The following RP2 variants were observed in gnomAD, a reference collection of about 807,000 sequenced individuals.
The protein encoded by RP2 is RP2 activator of ARL3 GTPase.
A neutral mutation model predicts 20.3 loss-of-function variants in RP2; 3 were observed. The ratio of observed to expected loss-of-function variants is 0.15; its 90% CI spans 0.07 to 0.38. RP2 has a LOEUF of 0.38. Among genes scored for constraint, RP2 ranks in the 10% least tolerant of loss-of-function variants. RP2 has a pLI of 1.00. For synonymous variants in RP2, 75 were observed against 94.8 expected (o/e 0.79, Z 1.22); for missense variants, 233 against 268.5 (o/e 0.87, Z 0.92).
At chrX:46,867,134 T>G (rs1556322812) in intron 3 of RP2, among the ~76,000 whole-genome samples, 1 of 111,026 alleles carries the variant, frequency 9.0e-6, no homozygotes, top group East Asian at 2.8e-4. Flanking sequence ...GGAGTCTCGC[T>G]CTGTTGCCCA....
rs782149680 is a variant in RP2 at position 46,837,736 on chromosome X, A to G, written c.102+534A>G. On this transcript the variant is annotated intron_variant, in intron 1 of 4. Transcript: ENST00000218340. ...TATATTTCACTGCTGAATTTTCTCA[A>G]TTACCAAGTGGACTGTTTAATGTAC... Among the ~76,000 whole-genome samples the G allele has an allele frequency of 9.5e-4, 106 of 111,671 alleles. 3 individuals are homozygous for G. The highest frequency in any genetic ancestry group is 7.7e-4 in the Non-Finnish European group (41 of 53,135).
intron 2 of RP2, 126 bp downstream of exon 2, chrX:46,854,267 C>G: frequency 1.6e-6 from 1 of 627,795 alleles, no homozygotes; most frequent in Admixed American, 2.7e-5. Context: ...AGTCCTTTGC[C>G]ACCACCCCCT....
chrX:46,842,146 C>T (rs143088999), intron 1 of RP2, among the ~76,000 whole-genome samples: 2,800 of 111,629 alleles, frequency 0.025, 82 homozygotes, highest in African/African-American at 0.086. Flanking sequence ...AACTCCTGGC[C>T]GCAGGCAATC....
chrX:46,877,891 G>C (rs1925398863), intron 4 of RP2, among the ~76,000 whole-genome samples: 1 of 111,255 alleles, frequency 9.0e-6, no homozygotes, highest in Admixed American at 9.7e-5. Context: ...AAAGTAAAAA[G>C]TCTCATCAAA....
At chrX:46,838,523 C>T (rs1924556812) in intron 1 of RP2, among the ~76,000 whole-genome samples, 1 of 112,840 alleles carries the variant, frequency 8.9e-6, no homozygotes, top group Non-Finnish European at 1.9e-5. Context: ...GTTCTTTTAG[C>T]TTGAATTGTC....
At chrX:46,872,760 C>A (rs2147087860) in intron 3 of RP2, among the ~76,000 whole-genome samples, 1 of 111,644 alleles carries the variant, frequency 9.0e-6, no homozygotes, top group East Asian at 2.8e-4. Flanking sequence ...GTTTTTGAGA[C>A]AGGATCTCAC....
At chrX:46,847,722 G>GTGTGTGTGTATATACACACATA (rs1569531350) in intron 1 of RP2, among the ~76,000 whole-genome samples, 25 of 73,517 alleles carry the variant, frequency 3.4e-4, no homozygotes, top group African/African-American at 6.7e-4. Flanking sequence ...ACACATATAT[G>GTGTGTGTGTATATACACACATA]TGTGTGTGTA....
rs150462383 is a variant in RP2 at position 46,849,282 on chromosome X, C to T, written c.103-4194C>T. Among the ~76,000 whole-genome samples the T allele has an allele frequency of 6.8e-3, 746 of 109,596 alleles. 5 individuals carry two copies. Among genetic ancestry groups the T allele is most frequent in the African/African-American group, 0.024 (714 of 30,101 alleles). ...CATGGCTCACTGCAGCCTTGAACTC[C>T]CAGGCACAAGCAGTCCTCCTGCCTC... On this transcript the variant is annotated intron_variant, in intron 1 of 4. Transcript: ENST00000218340.
chrX:46,838,325 A>T lies in RP2; in HGVS notation c.102+1123A>T, dbSNP rs149669358. Among the ~76,000 whole-genome samples, 25 of 111,707 alleles carry T rather than the reference A, an allele frequency of 2.2e-4. 1 individual carries two copies. The highest frequency in any genetic ancestry group is 7.5e-4 in the African/African-American group (23 of 30,769). On this transcript the variant is annotated intron_variant, in intron 1 of 4. Transcript: ENST00000218340. Reference sequence around the variant, plus strand: ...GTCTTTCTGCCCCTACTTCTCATACACACCCTTCTTGGGTCACATGGTACC... The same window carrying T: ...GTCTTTCTGCCCCTACTTCTCATACTCACCCTTCTTGGGTCACATGGTACC...
intron 1 of RP2, among the ~76,000 whole-genome samples, chrX:46,849,031 GA>G (rs1322178203): frequency 8.4e-4 from 88 of 104,248 alleles, no homozygotes; most frequent in African/African-American, 2.7e-3. Context: ...CCCTGTGTCA[GA>G]AAAAAAAAAT....
At chrX:46,877,659 A>G in intron 4 of RP2, 69 bp downstream of exon 4, 1 of 759,746 alleles carries the variant, frequency 1.3e-6, no homozygotes, top group Non-Finnish European at 2.0e-6. Context: ...ACAGTCAAAT[A>G]ATACTTTAAT....
chrX:46,873,354 C>A (rs1925323021), intron 3 of RP2, among the ~76,000 whole-genome samples: 1 of 111,925 alleles, frequency 8.9e-6, no homozygotes, highest in African/African-American at 3.2e-5. Context: ...ACCATGAACT[C>A]TCTGAATAAG....
chrX:46,874,606 T>G (rs1023509393), intron 3 of RP2, among the ~76,000 whole-genome samples: 2 of 111,456 alleles, frequency 1.8e-5, no homozygotes, highest in Non-Finnish European at 3.8e-5. Context: ...AATTGATTCA[T>G]CCTGTCATTT....
chrX:46,853,418 A>T, intron 1 of RP2, 58 bp from the exon 2 acceptor site: 1 of 1,079,337 alleles, frequency 9.3e-7, no homozygotes, highest in South Asian at 2.0e-5. Context: ...ATAGTCCTTT[A>T]GTTGATACTT....
At chrX:46,878,135 G>A (rs1364762771) in intron 4 of RP2, among the ~76,000 whole-genome samples, 1 of 109,999 alleles carries the variant, frequency 9.1e-6, no homozygotes, top group Non-Finnish European at 1.9e-5. Flanking sequence ...AGCACTTTGG[G>A]AGGCCGAGGT....
chrX:46,860,601 A>C (rs1556319962), intron 3 of RP2, among the ~76,000 whole-genome samples: 1 of 112,225 alleles, frequency 8.9e-6, no homozygotes, highest in Admixed American at 9.5e-5. Context: ...GCCACCAATA[A>C]ATTTCAGATA....
intron 1 of RP2, among the ~76,000 whole-genome samples, chrX:46,850,381 C>T (rs782256239): frequency 6.2e-5 from 7 of 112,314 alleles, no homozygotes; most frequent in African/African-American, 1.9e-4. Context: ...AATAGTCTCT[C>T]CGATCAATCC....
rs1556318581 is a variant in RP2 at position 46,853,619 on chromosome X, C to T, written c.246C>T (p.Thr82=). Residue 82 remains threonine, a synonymous_variant, in exon 2 of 5, where the codon ACC becomes ACT. Coordinates refer to ENST00000218340, the MANE Select transcript of RP2 (RefSeq NM_006915.3). ...TTTTTGATCACTCTGCTACAGTTACCATTGATGACTGTACTAACTGCATAA... is the reference window on the plus strand; with the variant it reads ...TTTTTGATCACTCTGCTACAGTTACTATTGATGACTGTACTAACTGCATAA... ...IYIFDHSATV[T]IDDCTNCIIF... is the part of the protein sequence containing the mutation. 8.3e-7 allele frequency: 1 copy of T among 1,209,786 alleles called. No homozygotes were observed. Among genetic ancestry groups the T allele is most frequent in the Non-Finnish European group, 1.1e-6 (1 of 895,193 alleles).
At position 46,879,795 on chromosome X, in the gene RP2, T is replaced by C; in HGVS notation, c.*26T>C. On this transcript the variant is annotated 3_prime_UTR_variant, in exon 5 of 5. Coordinates refer to ENST00000218340, the MANE Select transcript of RP2 (RefSeq NM_006915.3). The stretch of plus-strand genomic sequence containing the variant: ...AGTGCAATGTGGAACCAGGACTTGG[T>C]ATTAAGCCTTTCCCAACTTGTGAAT... 1 of 965,646 alleles carries C rather than the reference T, an allele frequency of 1.0e-6. No homozygotes were observed. Among genetic ancestry groups the C allele is most frequent in the Non-Finnish European group, 1.5e-6 (1 of 686,741 alleles). The allele number at this position is 965,646 out of a possible 1,213,427, so 79.6% of individuals were successfully genotyped here.
Sources: allele counts gnomAD v4.1 joint callset (sites outside exome capture counted in the v4.1 genomes callset), GRCh38; gene constraint gnomAD v4.1.1; transcripts MANE v1.5; gene names NCBI Gene and HGNC (gene_info 2026-07-23, HGNC 2026-07-21).